The following ASIC2 variants were observed in gnomAD, a reference collection of about 807,000 sequenced individuals.
ASIC2 encodes acid-sensing ion channel 2.
A neutral mutation model predicts 57.3 loss-of-function variants in ASIC2; 25 were observed. The observed-to-expected ratio is 0.44, with a 90% CI of 0.32 to 0.61. ASIC2 has a LOEUF of 0.61. ASIC2 is among the 20% of genes least tolerant of loss of function. The pLI, the probability that ASIC2 is intolerant of heterozygous loss-of-function variation, is 0.06. For synonymous variants in ASIC2, 319 were observed against 307.5 expected, an observed-to-expected ratio of 1.04 and a Z score of -0.39; for missense variants, 641 against 738.1, an observed-to-expected ratio of 0.87 and a Z score of 1.52.
intron 1 of ASIC2, among the ~76,000 whole-genome samples, chr17:33,150,219 A>C (rs1775423493): frequency 6.6e-6 from 1 of 152,202 alleles, no homozygotes; most frequent in African/African-American, 2.4e-5. Context: ...AGGCATTAGC[A>C]TCCAGTTAAT....
chr17:34,038,655 T>C (rs926279028), intron 1 of ASIC2: 1 of 1,587,350 alleles, frequency 6.3e-7, no homozygotes, highest in African/African-American at 1.3e-5. Flanking sequence ...CTTTCTAGCC[T>C]CTCCAGCTCT....
rs189393572 is a variant in ASIC2 at position 33,141,196 on chromosome 17, T to G, written c.709-29129A>C. 8.5e-5 allele frequency among the ~76,000 whole-genome samples: 13 copies of G among 152,246 alleles called. No individual in the cohort carries two copies. The East Asian group carries it at 2.5e-3, about 29-fold the overall frequency. ...TATCTCCATCACCAGATTGAAGGACTCCTCCCCAAGGGTGAAGGCTGCTTG... is the reference window on the plus strand; with the variant it reads ...TATCTCCATCACCAGATTGAAGGACGCCTCCCCAAGGGTGAAGGCTGCTTG... On this transcript the variant is annotated intron_variant, in intron 1 of 9. Transcript: ENST00000225823.
rs139037797 is a variant in ASIC2, at chr17:33,312,610, A to G, written c.556-200543T>C. Among the ~76,000 whole-genome samples the G allele has an allele frequency of 5.5e-3, 837 of 152,250 alleles. 11 individuals are homozygous for G. Among genetic ancestry groups the G allele is most frequent in the African/African-American group, 0.019 (792 of 41,536 alleles). On this transcript the variant is annotated intron_variant, in intron 1 of 9. Coordinates refer to the ASIC2 transcript ENST00000359872. ...TGCACCTACTTAGCTTTTTGGAGAG[A>G]AGTAAATATATCCATAAAGATCACC...
chr17:34,142,628 T>C (rs1410002890), intron 1 of ASIC2, among the ~76,000 whole-genome samples: 2 of 152,358 alleles, frequency 1.3e-5, no homozygotes, highest in East Asian at 1.9e-4. Flanking sequence ...CCAGCTCTTA[T>C]TCACTGCCAT....
intron 1 of ASIC2, among the ~76,000 whole-genome samples, chr17:33,700,574 T>G (rs549164190): frequency 7.9e-5 from 12 of 152,306 alleles, no homozygotes; most frequent in South Asian, 4.1e-4. Context: ...AAGTTCCATT[T>G]GAAACAAGTA....
chr17:33,312,518 G>A (rs755800239), intron 1 of ASIC2, among the ~76,000 whole-genome samples: 81 of 152,336 alleles, frequency 5.3e-4, no homozygotes, highest in African/African-American at 1.6e-3. Flanking sequence ...CTTAAGGTCC[G>A]CAAGATCAAG....
intron 1 of ASIC2, among the ~76,000 whole-genome samples, chr17:34,018,618 G>A (rs1354403300): frequency 6.6e-6 from 1 of 152,188 alleles, no homozygotes; most frequent in African/African-American, 2.4e-5. Context: ...ATAGGAAGCA[G>A]TCAAAATGTT....
At chr17:33,910,067 C>G (rs1278302437) in intron 1 of ASIC2, among the ~76,000 whole-genome samples, 4 of 152,254 alleles carry the variant, frequency 2.6e-5, no homozygotes, top group African/African-American at 9.6e-5. Context: ...AATACCCGTG[C>G]AGTGCTAAGA....
At chr17:33,795,485 A>G (rs943647008) in intron 1 of ASIC2, among the ~76,000 whole-genome samples, 1 of 152,146 alleles carries the variant, frequency 6.6e-6, no homozygotes, top group Non-Finnish European at 1.5e-5. Context: ...CTCAGAGTCT[A>G]TTTCCTGGAG....
At chr17:34,003,123 T>C (rs1352765049) in intron 1 of ASIC2, 4 of 152,148 alleles carry the variant, frequency 2.6e-5, no homozygotes, top group African/African-American at 9.7e-5. Flanking sequence ...AACCTCACAG[T>C]TGAGAAGCCA....
At chr17:33,600,795 T>A (rs1412268630) in intron 1 of ASIC2, among the ~76,000 whole-genome samples, 2 of 152,150 alleles carry the variant, frequency 1.3e-5, no homozygotes, top group Non-Finnish European at 2.9e-5. Context: ...TAGCAACTAC[T>A]TGAGTAGTCA....
At chr17:34,138,305 C>CA (rs1419236567) in intron 1 of ASIC2, among the ~76,000 whole-genome samples, 1 of 152,162 alleles carries the variant, frequency 6.6e-6, no homozygotes, top group Non-Finnish European at 1.5e-5. Flanking sequence ...GGCACATAGC[C>CA]AATGCTCAGT....
intron 4 of ASIC2, among the ~76,000 whole-genome samples, chr17:33,026,780 C>CT: frequency 6.6e-6 from 1 of 152,276 alleles, no homozygotes. Flanking sequence ...AGGATCTTTT[C>CT]TTTTCCTTTA....
At chr17:33,541,207 G>A (rs986929606) in intron 1 of ASIC2, 1 of 152,170 alleles carries the variant, frequency 6.6e-6, no homozygotes, top group Admixed American at 6.5e-5. Flanking sequence ...GTTAGAGCTT[G>A]TAAAAGTTTA....
At chr17:33,879,522 T>A (rs578121454) in intron 1 of ASIC2, among the ~76,000 whole-genome samples, 1 of 152,258 alleles carries the variant, frequency 6.6e-6, no homozygotes, top group East Asian at 1.9e-4. Flanking sequence ...CATTACATAA[T>A]GGTAAAGGGA....
intron 1 of ASIC2, among the ~76,000 whole-genome samples, chr17:33,219,458 T>G (rs1322500360): frequency 6.6e-6 from 1 of 152,244 alleles, no homozygotes; most frequent in Non-Finnish European, 1.5e-5. Flanking sequence ...CTCAGCATGT[T>G]ATATCCATTA....
At chr17:33,738,288 G>T (rs1909987434) in intron 1 of ASIC2, among the ~76,000 whole-genome samples, 1 of 152,194 alleles carries the variant, frequency 6.6e-6, no homozygotes, top group Non-Finnish European at 1.5e-5. Context: ...CCATTAGAAA[G>T]CTGTTGGATG....
intron 1 of ASIC2, among the ~76,000 whole-genome samples, chr17:33,784,088 T>C (rs1597874607): frequency 6.6e-6 from 1 of 151,820 alleles, no homozygotes; most frequent in East Asian, 1.9e-4. Flanking sequence ...TTTTGTGAGG[T>C]TGGGGGGTCA....
At chr17:34,126,940 G>A (rs1360296671) in intron 1 of ASIC2, among the ~76,000 whole-genome samples, 2 of 152,120 alleles carry the variant, frequency 1.3e-5, no homozygotes, top group African/African-American at 4.8e-5. Context: ...CCCTGACAGG[G>A]AGCACAAGCC....
Sources: gnomAD v4.1 joint callset for allele counts (sites outside exome capture counted in the v4.1 genomes callset) on GRCh38, gnomAD v4.1.1 for gene constraint, MANE v1.5 for transcripts, NCBI Gene and HGNC (gene_info 2026-07-23, HGNC 2026-07-21) for gene names.